Variants in CTNNA2 observed in about 807,000 individuals in gnomAD.
CTNNA2 encodes catenin alpha-2.
Under a neutral mutation model 101.0 loss-of-function variants are expected in CTNNA2, and 42 were observed. The ratio of observed to expected loss-of-function variants is 0.42; its 90% confidence interval spans 0.32 to 0.54. CTNNA2 has a LOEUF of 0.54. Ranked by LOEUF, CTNNA2 falls within the 20% of genes least tolerant of loss-of-function variation. The probability of loss-of-function intolerance (pLI) is 0.14; values close to 1 mark genes in which losing one functional copy is unlikely to be tolerated. For synonymous variants in CTNNA2, 450 were observed against 456.4 expected, an observed-to-expected ratio of 0.99 and a Z score of 0.18; for missense variants, 871 against 1,223.1, an observed-to-expected ratio of 0.71 and a Z score of 4.29.
intron 3 of CTNNA2, among the ~76,000 whole-genome samples, chr2:79,752,060 G>A (rs985764507): frequency 1.3e-5 from 2 of 152,146 alleles, no homozygotes; most frequent in African/African-American, 4.8e-5. Flanking sequence ...ACAGGGGCAG[G>A]GGAGAGTGTA....
intron 7 of CTNNA2, among the ~76,000 whole-genome samples, chr2:80,368,002 G>A (rs1046596737): frequency 6.6e-5 from 10 of 152,014 alleles, no homozygotes; most frequent in South Asian, 2.1e-4. Context: ...AGAAATCCAC[G>A]TTACCAAATA....
At chr2:79,666,373 C>A (rs991788943) in intron 2 of CTNNA2, among the ~76,000 whole-genome samples, 4 of 152,158 alleles carry the variant, frequency 2.6e-5, no homozygotes, top group African/African-American at 9.7e-5. Flanking sequence ...TTGTGAACTT[C>A]TTTGCATTAA....
intron 2 of CTNNA2, among the ~76,000 whole-genome samples, chr2:79,733,512 G>A (rs1259257469): frequency 1.3e-5 from 2 of 151,950 alleles, no homozygotes; most frequent in African/African-American, 4.8e-5. Context: ...GCAAGTGTGT[G>A]TGAAAACTAG....
At chr2:79,675,645 G>A (rs1267566518) in intron 2 of CTNNA2, among the ~76,000 whole-genome samples, 1 of 151,958 alleles carries the variant, frequency 6.6e-6, no homozygotes, top group African/African-American at 2.4e-5. Context: ...TATGTAAAAC[G>A]AGGTGCTTTT....
intron 6 of CTNNA2, among the ~76,000 whole-genome samples, chr2:79,905,894 G>C (rs1295111181): frequency 6.6e-6 from 1 of 152,012 alleles, no homozygotes; most frequent in Non-Finnish European, 1.5e-5. Context: ...TATATTTCTT[G>C]CTCAGGATGG....
intron 2 of CTNNA2, among the ~76,000 whole-genome samples, chr2:79,305,889 CA>C (rs1461294655): frequency 2.6e-5 from 4 of 151,672 alleles, no homozygotes; most frequent in Non-Finnish European, 4.4e-5. Context: ...ACTAAAAATA[CA>C]AAAAAATTAG....
Position 79,749,118 on chromosome 2 carries a change from A to C in CTNNA2, c.298+4536A>C, listed in dbSNP as rs148536176. 7.0e-3 allele frequency among the ~76,000 whole-genome samples: 1,057 copies of C among 151,968 alleles called. 17 individuals are homozygous for C. Among genetic ancestry groups the C allele is most frequent in the African/African-American group, 0.024 (1,009 of 41,436 alleles). ...ACTTTCACCTGGCAACCTTCATTCA[A>C]CCCAAAACGGTGCCTCCATCCCCTC... On this transcript the variant is annotated intron_variant, in intron 3 of 18. Transcript: ENST00000402739.
chr2:79,638,635 A>G (rs565794895), intron 1 of CTNNA2, among the ~76,000 whole-genome samples: 9 of 152,306 alleles, frequency 5.9e-5, no homozygotes, highest in African/African-American at 2.2e-4. Context: ...GATCCAGTGA[A>G]TCAGCCAGTC....
intron 2 of CTNNA2, among the ~76,000 whole-genome samples, chr2:79,225,433 T>C (rs1206807445): frequency 6.6e-6 from 1 of 152,178 alleles, no homozygotes. Flanking sequence ...GTATATAACA[T>C]CTAAAAATAT....
At chr2:80,535,191 A>C (rs1690900035) in intron 9 of CTNNA2, among the ~76,000 whole-genome samples, 1 of 152,162 alleles carries the variant, frequency 6.6e-6, no homozygotes, top group African/African-American at 2.4e-5. Flanking sequence ...ATCACAATAT[A>C]AACTTTTAAT....
At chr2:79,510,816 G>A (rs1311422246), upstream of CTNNA2, among the ~76,000 whole-genome samples, 1 of 152,160 alleles carries the variant, frequency 6.6e-6, no homozygotes, top group Admixed American at 6.5e-5. Context: ...AATGTCTCTC[G>A]ATAATATTCT....
At chr2:80,606,583 A>G (rs759100782) in intron 16 of CTNNA2, among the ~76,000 whole-genome samples, 1 of 151,882 alleles carries the variant, frequency 6.6e-6, no homozygotes, top group Non-Finnish European at 1.5e-5. Context: ...TCTTCAGAAA[A>G]AAATGTTATC....
At chr2:79,411,571 A>G (rs1193363798) in intron 4 of CTNNA2, among the ~76,000 whole-genome samples, 5 of 152,138 alleles carry the variant, frequency 3.3e-5, no homozygotes, top group African/African-American at 4.8e-5. Flanking sequence ...ACAAACCAGA[A>G]GAGAGTGGGG....
intron 2 of CTNNA2, among the ~76,000 whole-genome samples, chr2:79,654,209 C>G (rs1681453583): frequency 6.6e-6 from 1 of 152,202 alleles, no homozygotes; most frequent in South Asian, 2.1e-4. Flanking sequence ...TCCAAAGCCA[C>G]TGTCTACATT....
intron 2 of CTNNA2, among the ~76,000 whole-genome samples, chr2:79,231,167 A>G (rs1376497833): frequency 6.6e-6 from 1 of 152,142 alleles, no homozygotes; most frequent in Admixed American, 6.6e-5. Context: ...GGGCCAGGGA[A>G]GAATGATATG....
intron 1 of CTNNA2, among the ~76,000 whole-genome samples, chr2:79,194,622 G>T (rs1673934361): frequency 6.6e-6 from 1 of 152,152 alleles, no homozygotes; most frequent in Non-Finnish European, 1.5e-5. Flanking sequence ...GTAGTTCATT[G>T]CTAACCACCA....
intron 7 of CTNNA2, among the ~76,000 whole-genome samples, chr2:80,012,523 A>G (rs1693863111): frequency 1.3e-5 from 2 of 152,320 alleles, no homozygotes; most frequent in South Asian, 2.1e-4. Context: ...AGGACTAGAT[A>G]CAAACATTTT....
intron 8 of CTNNA2, among the ~76,000 whole-genome samples, chr2:80,396,374 C>T (rs1200460040): frequency 6.6e-6 from 1 of 152,132 alleles, no homozygotes; most frequent in Non-Finnish European, 1.5e-5. Flanking sequence ...ATGATAACTG[C>T]CAGCTTTAAG....
At chr2:79,412,408 A>G (rs1678425373) in intron 4 of CTNNA2, among the ~76,000 whole-genome samples, 3 of 152,104 alleles carry the variant, frequency 2.0e-5, no homozygotes. Flanking sequence ...ATAGACATCT[A>G]CAGAACTCTC....
Sources: allele counts gnomAD v4.1 joint callset (sites outside exome capture counted in the v4.1 genomes callset), GRCh38; gene constraint gnomAD v4.1.1; transcripts MANE v1.5; gene names NCBI Gene and HGNC (gene_info 2026-07-23, HGNC 2026-07-21).